The following CRYM variants were observed in gnomAD, a reference collection of about 807,000 sequenced individuals.
The protein encoded by CRYM is ketimine reductase mu-crystallin.
In CRYM, 18 loss-of-function variants were observed where a neutral mutation model predicts 32.9. The observed-to-expected ratio is 0.55, with a 90% CI of 0.38 to 0.81. The LOEUF (loss-of-function observed/expected upper bound fraction) is 0.81. Among genes scored for constraint, CRYM ranks in the 30% least tolerant of loss-of-function variants. The pLI is 0.00. For synonymous variants in CRYM, 153 were observed against 152.4 expected (o/e 1.00, Z -0.03); for missense variants, 337 against 393.5 (o/e 0.86, Z 1.21).
At chr16:21,267,446 T>C in intron 5 of CRYM, 108 bp downstream of exon 5, 1 of 1,179,548 alleles carries the variant, frequency 8.5e-7, no homozygotes, top group Non-Finnish European at 1.3e-6. Context: ...CTTAAATAGC[T>C]TGGGCATTCT....
chr16:21,261,447 TAAAA>T lies in CRYM; in HGVS notation c.796-113_796-110del, dbSNP rs5816151. 7.4e-4 allele frequency: 440 copies of T among 595,962 alleles called. 1 individual carries two copies. The East Asian group carries it at 0.011, about 15-fold the overall frequency. 36.9% of individuals were successfully genotyped at this position (595,962 alleles called of 1,614,324 possible). On this transcript the variant is annotated intron_variant, in intron 6 of 7. Coordinates refer to ENST00000572914, the MANE Select transcript of CRYM (RefSeq NM_001376256.1). The stretch of plus-strand genomic sequence containing the variant: ...GAATTGGATAAGAGATAAATTTGAT[TAAAA>T]AAAAAAAAAAAAAGAGAGAGATCCT...
intron 5 of CRYM, among the ~76,000 whole-genome samples, chr16:21,263,271 C>G (rs758582122): frequency 4.6e-5 from 7 of 152,272 alleles, no homozygotes; most frequent in Middle Eastern, 3.4e-3. Context: ...CATGGTAGCA[C>G]ACGCCTGTAA....
chr16:21,291,047 C>T (rs890018524), intron 1 of CRYM, among the ~76,000 whole-genome samples: 5 of 152,132 alleles, frequency 3.3e-5, no homozygotes, highest in East Asian at 3.8e-4. Context: ...ATGCTAAAAA[C>T]GGAGGGTTTG....
chr16:21,299,822 A>G (rs115752115), intron 1 of CRYM: 2 of 152,202 alleles, frequency 1.3e-5, no homozygotes, highest in African/African-American at 4.8e-5. Flanking sequence ...CACCCCTTCA[A>G]GTATATAGTT....
chr16:21,295,975 A>G (rs1200378444), intron 1 of CRYM, among the ~76,000 whole-genome samples: 2 of 152,198 alleles, frequency 1.3e-5, no homozygotes, highest in African/African-American at 4.8e-5. Context: ...CCCATCTCCT[A>G]TATATGAAAC....
chr16:21,278,297 C>G (rs753434355), upstream of CRYM: 128 of 1,550,962 alleles, frequency 8.3e-5, 3 homozygotes, highest in South Asian at 1.3e-3. Context: ...CCGCGATCCA[C>G]GTACCCTCGG....
intron 3 of CRYM, among the ~76,000 whole-genome samples, chr16:21,274,283 T>C: frequency 6.6e-6 from 1 of 152,178 alleles, no homozygotes. Flanking sequence ...TTGCTTACTG[T>C]TCCCTCTGCC....
At chr16:21,264,153 C>G (rs2093359599) in intron 5 of CRYM, among the ~76,000 whole-genome samples, 1 of 152,208 alleles carries the variant, frequency 6.6e-6, no homozygotes, top group Non-Finnish European at 1.5e-5. Flanking sequence ...TGTTCTCCCT[C>G]ATTCTAATTT....
intron 7 of CRYM, among the ~76,000 whole-genome samples, chr16:21,260,601 G>A (rs1184458614): frequency 6.6e-6 from 1 of 152,158 alleles, no homozygotes; most frequent in Non-Finnish European, 1.5e-5. Context: ...AGCTCAGCCT[G>A]TTCCCATGTA....
intron 6 of CRYM, 92 bp from the exon 7 acceptor site, chr16:21,261,430 T>TAAAAAA: frequency 1.3e-6 from 1 of 752,366 alleles, no homozygotes; most frequent in Non-Finnish European, 2.2e-6. Context: ...CTGAATTGGA[T>TAAAAAA]AAGAGATAAA....
Position 21,277,330 on chromosome 16 carries a change from C to T in CRYM, c.324+101G>A, listed in dbSNP as rs79216950. ...ATCCAGTCACTTGCAGAGGGGCACG[C>T]GTAGTCACAATCAAGACTCCCCCTG... On this transcript the variant is annotated intron_variant, in intron 2 of 7. Transcript: ENST00000572914. This position sits in a 1 kb window ranked among gnomAD's most constrained non-coding sequence, Gnocchi z 4.2. 4.0e-6 allele frequency: 5 copies of T among 1,250,340 alleles called. No individual in the cohort carries two copies. The highest frequency in any genetic ancestry group is 1.5e-5 in the African/African-American group (1 of 67,684). 77.5% of individuals were successfully genotyped at this position (1,250,340 alleles called of 1,614,324 possible).
chr16:21,286,782 G>A (rs1048022000), intron 1 of CRYM, among the ~76,000 whole-genome samples: 2 of 152,080 alleles, frequency 1.3e-5, no homozygotes, highest in African/African-American at 2.4e-5. Context: ...ACATCTAGGA[G>A]TTCCTTTTGG....
chr16:21,261,205 C>A (rs368372802), intron 7 of CRYM, 49 bp downstream of exon 7: 40 of 1,435,462 alleles, frequency 2.8e-5, no homozygotes, highest in Non-Finnish European at 3.9e-5. Context: ...ATGGGTGAAC[C>A]TGCCTTGTGC....
chr16:21,283,380 G>A (rs1161647005), intron 1 of CRYM: 3 of 152,214 alleles, frequency 2.0e-5, no homozygotes, highest in East Asian at 1.9e-4. Context: ...GACGGCTCAG[G>A]ATTACTGACT....
rs376143999 is a variant in CRYM at position 21,275,613 on chromosome 16, C to G, written c.325-19G>C. On this transcript the variant is annotated intron_variant, in intron 2 of 7. Coordinates refer to ENST00000572914, the MANE Select transcript of CRYM (RefSeq NM_001376256.1). ...CCATGACCTTGGAGGAAAAGAGAGA[C>G]AGTGAGCAAGGGGAACCCCTGTCCA... The G allele has an allele frequency of 4.0e-5, 64 of 1,606,756 alleles. No individual in the cohort carries two copies. The African/African-American group carries it at 5.7e-4, about 14-fold the overall frequency.
intron 7 of CRYM, among the ~76,000 whole-genome samples, chr16:21,260,410 C>T (rs901431820): frequency 2.6e-5 from 4 of 152,140 alleles, no homozygotes; most frequent in African/African-American, 9.7e-5. Context: ...AGTGATTCTC[C>T]TGCCTCAACC....
At chr16:21,290,220 A>G (rs369399971) in intron 1 of CRYM, among the ~76,000 whole-genome samples, 2 of 152,148 alleles carry the variant, frequency 1.3e-5, no homozygotes, top group East Asian at 1.9e-4. Flanking sequence ...GCTGCTGCTC[A>G]CTGTTTGGGT....
intron 1 of CRYM, among the ~76,000 whole-genome samples, chr16:21,284,542 T>C (rs921512088): frequency 4.6e-5 from 7 of 152,202 alleles, no homozygotes; most frequent in Non-Finnish European, 7.4e-5. Context: ...TTGTAGGTTC[T>C]AGACATTTCT....
In CRYM at chr16:21,277,961, G is replaced by T; in HGVS notation, c.170+121C>A. 8.6e-7 allele frequency: 1 copy of T among 1,166,640 alleles called. No homozygotes were observed. The highest frequency in any genetic ancestry group is 1.2e-6 in the Non-Finnish European group (1 of 838,180). The allele number at this position is 1,166,640 out of a possible 1,614,324, so 72.3% of individuals were successfully genotyped here. Reference sequence around the variant, plus strand: ...ACACCGGGTAGCGCCTATTAAAAGTGGCAGCTGTTAGCAACGGTTAGGCAA... The same window carrying T: ...ACACCGGGTAGCGCCTATTAAAAGTTGCAGCTGTTAGCAACGGTTAGGCAA... On this transcript the variant is annotated intron_variant, in intron 1 of 7. Transcript: ENST00000572914. This position sits in a 1 kb window ranked among gnomAD's most constrained non-coding sequence, Gnocchi z 4.2.
Sources: gnomAD v4.1 joint callset for allele counts (sites outside exome capture counted in the v4.1 genomes callset) on GRCh38, gnomAD v4.1.1 for gene constraint, Gnocchi (gnomAD v3.1) non-coding constraint, MANE v1.5 for transcripts, NCBI Gene and HGNC (gene_info 2026-07-23, HGNC 2026-07-21) for gene names.